CDH2: variants seen among roughly 807,000 people sequenced by gnomAD.
CDH2 encodes cadherin-2.
A neutral mutation model predicts 92.0 loss-of-function variants in CDH2; 17 were observed. The observed-to-expected ratio is 0.18, with a 90% CI of 0.13 to 0.28. CDH2 has a LOEUF of 0.28. CDH2 is among the 10% of genes least tolerant of loss of function. The pLI is 1.00. For synonymous variants in CDH2, 419 were observed against 415.9 expected (o/e 1.01, Z -0.09); for missense variants, 862 against 1,133.1 (o/e 0.76, Z 3.44).
At chr18:28,077,796 C>A (rs2014749884) in intron 2 of CDH2, among the ~76,000 whole-genome samples, 1 of 142,812 alleles carries the variant, frequency 7.0e-6, no homozygotes, top group Non-Finnish European at 1.5e-5. Context: ...GAGGCTGAGG[C>A]AGGAGAATTG....
At chr18:28,112,242 T>G (rs1292899425) in intron 2 of CDH2, among the ~76,000 whole-genome samples, 1 of 152,206 alleles carries the variant, frequency 6.6e-6, no homozygotes, top group African/African-American at 2.4e-5. Flanking sequence ...CCAGAGCTGG[T>G]TTGTTTCATA....
chr18:28,044,269 G>T (rs1025145469), intron 2 of CDH2, among the ~76,000 whole-genome samples: 2 of 152,110 alleles, frequency 1.3e-5, no homozygotes. Flanking sequence ...TGGCAGCTGC[G>T]CTAATTTGCT....
intron 2 of CDH2, among the ~76,000 whole-genome samples, chr18:28,052,074 G>A (rs1001240778): frequency 6.6e-5 from 10 of 152,072 alleles, no homozygotes; most frequent in Admixed American, 3.9e-4. Flanking sequence ...TAGCCCAAAC[G>A]TAATGAATAA....
rs147249153 is a variant in CDH2, at chr18:28,029,660, T to C, written c.173-15751A>G. On this transcript the variant is annotated intron_variant, in intron 2 of 15. Transcript: ENST00000269141. ...ACCATTCTCATTAATTACACCAAAG[T>C]GAACAGGATTAATTGCCATACACTG... 4.4e-3 allele frequency among the ~76,000 whole-genome samples: 658 copies of C among 149,444 alleles called. 7 individuals are homozygous for C. The highest frequency in any genetic ancestry group is 0.042 in the East Asian group (217 of 5,160).
chr18:28,090,403 T>A (rs1451790956), intron 2 of CDH2, among the ~76,000 whole-genome samples: 1 of 152,132 alleles, frequency 6.6e-6, no homozygotes, highest in Non-Finnish European at 1.5e-5. Flanking sequence ...ATCTCACCCA[T>A]CTCCTTCATG....
chr18:27,993,555 G>C lies in CDH2; in HGVS notation c.1103C>G (p.Ala368Gly). Residue 368 changes from alanine to glycine, a missense_variant, in exon 8 of 16, where the codon GCC (alanine) becomes GGC (glycine). Ala to Gly is a moderately conservative substitution (Grantham distance 60, BLOSUM62 0). Around this residue, in one of 5 missense-constraint regions of CDH2, gnomAD observed 564 missense variants for 722.2 expected, o/e 0.78. Transcript: ENST00000269141. ...ATTGACATCTGTCACTGTGATGACG[G>C]CCGTGGCTGTGTTTGAAAGGCCATA... ...PTYGLSNTATAVITVTDVNDN... is the reference protein window; with the variant it reads ...PTYGLSNTATGVITVTDVNDN... 6.2e-7 allele frequency: 1 copy of C among 1,614,052 alleles called. No homozygotes were observed. Among genetic ancestry groups the C allele is most frequent in the Admixed American group, 1.7e-5 (1 of 60,002 alleles).
chr18:28,035,729 T>A (rs1427275418), intron 2 of CDH2, among the ~76,000 whole-genome samples: 1 of 152,124 alleles, frequency 6.6e-6, no homozygotes, highest in East Asian at 1.9e-4. Flanking sequence ...ATAATGTTTT[T>A]CATTGTATAA....
intron 2 of CDH2, among the ~76,000 whole-genome samples, chr18:28,074,760 A>G (rs544905211): frequency 6.6e-6 from 1 of 151,380 alleles, no homozygotes; most frequent in African/African-American, 2.4e-5. Flanking sequence ...TCTGGTTTCG[A>G]GAATTCTTGG....
At chr18:27,935,730 T>C (rs1327535776) in intron 6 of CDH2, among the ~76,000 whole-genome samples, 1 of 152,202 alleles carries the variant, frequency 6.6e-6, no homozygotes, top group Admixed American at 6.5e-5. Flanking sequence ...GACTTGTGCT[T>C]AGCATGGTGC....
intron 2 of CDH2, among the ~76,000 whole-genome samples, chr18:28,023,786 C>A (rs1042704521): frequency 2.0e-5 from 3 of 152,124 alleles, no homozygotes; most frequent in Non-Finnish European, 4.4e-5. Flanking sequence ...TATACAATAA[C>A]TTTTTAAATT....
intron 14 of CDH2, among the ~76,000 whole-genome samples, chr18:27,966,796 A>C (rs2011543946): frequency 6.6e-6 from 1 of 152,200 alleles, no homozygotes; most frequent in Non-Finnish European, 1.5e-5. Context: ...TAAGAACCAG[A>C]GAGCAGGAAG....
intron 2 of CDH2, among the ~76,000 whole-genome samples, chr18:28,065,481 A>G (rs2014488921): frequency 6.6e-6 from 1 of 152,186 alleles, no homozygotes; most frequent in Non-Finnish European, 1.5e-5. Context: ...TTTCAAAAGG[A>G]CTGCTTTTTC....
intron 14 of CDH2, among the ~76,000 whole-genome samples, chr18:27,977,877 G>T (rs1341469530): frequency 6.6e-6 from 1 of 152,086 alleles, no homozygotes; most frequent in Non-Finnish European, 1.5e-5. Flanking sequence ...TAAAAAAAAA[G>T]CAATGGATAA....
chr18:27,937,765 G>T (rs999725452), intron 6 of CDH2, among the ~76,000 whole-genome samples: 1 of 152,104 alleles, frequency 6.6e-6, no homozygotes, highest in Non-Finnish European at 1.5e-5. Flanking sequence ...ATTATTTTAG[G>T]TTCTCAAGAA....
chr18:28,034,683 T>TA lies in CDH2; in HGVS notation c.173-20775dup, dbSNP rs202127259. ...CACAAAAAGAAAACAACAACCACAATAAAAAAAAACAAAAACAAAAACAAA... is the reference window on the plus strand; with the variant it reads ...CACAAAAAGAAAACAACAACCACAATAAAAAAAAAACAAAAACAAAAACAAA... On this transcript the variant is annotated intron_variant, in intron 2 of 15. Coordinates refer to ENST00000269141, the MANE Select transcript of CDH2 (RefSeq NM_001792.5). 8.2e-3 allele frequency among the ~76,000 whole-genome samples: 1,205 copies of TA among 147,656 alleles called. 13 individuals are homozygous for TA. Among genetic ancestry groups the TA allele is most frequent in the African/African-American group, 0.024 (961 of 39,266 alleles).
At chr18:27,991,177 T>C (rs1046503960) in intron 9 of CDH2, among the ~76,000 whole-genome samples, 1 of 152,184 alleles carries the variant, frequency 6.6e-6, no homozygotes, top group East Asian at 1.9e-4. Flanking sequence ...TTAATTTTCC[T>C]TGTTCACCTG....
chr18:28,052,799 C>T lies in CDH2; in HGVS notation c.173-38890G>A, dbSNP rs534200956. 7.5e-4 allele frequency among the ~76,000 whole-genome samples: 114 copies of T among 152,268 alleles called. 2 individuals carry two copies. The highest frequency in any genetic ancestry group is 2.3e-3 in the African/African-American group (94 of 41,564). ...TTATACAGTTTAAAAATTAATCTCT[C>T]CCTCTTCAAATCACTAGAAAATTAT... On this transcript the variant is annotated intron_variant, in intron 2 of 15. Transcript: ENST00000269141.
intron 2 of CDH2, among the ~76,000 whole-genome samples, chr18:28,079,093 G>C (rs2014779768): frequency 6.6e-6 from 1 of 152,120 alleles, no homozygotes; most frequent in Non-Finnish European, 1.5e-5. Context: ...TGCTCAATAA[G>C]ATAGTAAAAT....
intron 2 of CDH2, among the ~76,000 whole-genome samples, chr18:28,100,403 C>G (rs899244912): frequency 1.3e-5 from 2 of 152,208 alleles, no homozygotes; most frequent in African/African-American, 4.8e-5. Flanking sequence ...ATGGCTCTTG[C>G]CAAGTGTCAA....
Sources: allele counts gnomAD v4.1 joint callset (sites outside exome capture counted in the v4.1 genomes callset), GRCh38; gene constraint gnomAD v4.1.1; regional missense constraint gnomAD v4.1.1; transcripts MANE v1.5; gene names NCBI Gene and HGNC (gene_info 2026-07-23, HGNC 2026-07-21).